BAZ2B: variants seen among roughly 807,000 people sequenced by gnomAD.
BAZ2B encodes bromodomain adjacent to zinc finger domain 2B.
BAZ2B carries 91 observed loss-of-function variants against 246.0 expected under a neutral mutation model. The ratio of observed to expected loss-of-function variants is 0.37; its 90% CI spans 0.31 to 0.44. The LOEUF is 0.44. Ranked by LOEUF, BAZ2B falls within the 20% of genes least tolerant of loss-of-function variation. BAZ2B has a pLI of 1.00. For synonymous variants in BAZ2B, 855 were observed against 860.0 expected (o/e 0.99, Z 0.10); for missense variants, 2,332 against 2,533.7 (o/e 0.92, Z 1.71).
the BAZ2B span, among the ~76,000 whole-genome samples, chr2:159,708,864 T>C: frequency 6.6e-6 from 1 of 152,212 alleles, no homozygotes; most frequent in South Asian, 2.1e-4. Context: ...ATCTGGCCTC[T>C]ATATCCTTTT....
chr2:159,663,855 CT>C, the BAZ2B span, among the ~76,000 whole-genome samples: 795 of 92,308 alleles, frequency 8.6e-3, 2 homozygotes, highest in East Asian at 0.037. Context: ...AAACCATTTT[CT>C]TTTTTTTTTT....
At chr2:159,465,759 CA>C (rs891599689) in intron 3 of BAZ2B, among the ~76,000 whole-genome samples, 1 of 151,750 alleles carries the variant, frequency 6.6e-6, no homozygotes, top group Non-Finnish European at 1.5e-5. Flanking sequence ...CTGTCTCTAC[CA>C]AAAATACAAA....
intron 13 of BAZ2B, chr2:159,419,705 TCTC>T (rs2068398257): frequency 6.6e-6 from 1 of 152,164 alleles, no homozygotes; most frequent in Non-Finnish European, 1.5e-5. Flanking sequence ...ACTTTCAATA[TCTC>T]CTCCTTCTAT....
chr2:159,399,475 T>G (rs1399287901), intron 17 of BAZ2B, among the ~76,000 whole-genome samples: 2 of 152,030 alleles, frequency 1.3e-5, no homozygotes, highest in Non-Finnish European at 2.9e-5. Context: ...TAAGTTCAAG[T>G]GTTTTTTTTT....
the BAZ2B span, among the ~76,000 whole-genome samples, chr2:159,639,086 T>C: frequency 6.6e-6 from 1 of 151,100 alleles, no homozygotes; most frequent in Non-Finnish European, 1.5e-5. Context: ...CAGGAGAGAG[T>C]AGCATAACAT....
In BAZ2B at chr2:159,448,390, T is replaced by C. The variant is rs200055145; in HGVS notation, c.354A>G (p.Thr118=). The C allele has an allele frequency of 3.1e-6, 5 of 1,592,904 alleles. No individual in the cohort carries two copies. In the African/African-American group the frequency reaches 6.8e-5, roughly 22 times the overall value. The change falls in exon 5 of 37, where the codon ACA becomes ACG. Residue 118 remains threonine (T), a synonymous_variant. Transcript: ENST00000392783. Reference sequence around the variant, plus strand: ...CTCCTGTACGAGTATGAGCATCAGTTGTTCGCCACCATTCTGCACCTCAAA... The same window carrying C: ...CTCCTGTACGAGTATGAGCATCAGTCGTTCGCCACCATTCTGCACCTCAAA... The part of the protein sequence containing the change: ...ASFPGAEWWR[T]TDAHTRTGAT...
intron 2 of BAZ2B, among the ~76,000 whole-genome samples, chr2:159,550,364 G>T (rs1371872382): frequency 3.3e-5 from 5 of 152,112 alleles, no homozygotes; most frequent in Non-Finnish European, 7.4e-5. Flanking sequence ...TCAGTATAGG[G>T]TTTCCACTCA....
chr2:159,464,305 T>C (rs899532968), intron 3 of BAZ2B: 1 of 152,234 alleles, frequency 6.6e-6, no homozygotes, highest in African/African-American at 2.4e-5. Context: ...GTCGTGTTAT[T>C]TCCTCAGTCT....
At chr2:159,368,798 G>A (rs1576192784) in intron 27 of BAZ2B, among the ~76,000 whole-genome samples, 2 of 144,758 alleles carry the variant, frequency 1.4e-5, no homozygotes, top group African/African-American at 2.6e-5. Flanking sequence ...TTATGTAGAA[G>A]AGCCTGGATG....
chr2:159,456,749 A>G (rs1455561199), intron 3 of BAZ2B, among the ~76,000 whole-genome samples: 1 of 152,190 alleles, frequency 6.6e-6, no homozygotes, highest in Non-Finnish European at 1.5e-5. Flanking sequence ...GTGACGACTG[A>G]GTCTTACAGG....
At chr2:159,708,734 A>T in the BAZ2B span, among the ~76,000 whole-genome samples, 1 of 151,910 alleles carries the variant, frequency 6.6e-6, no homozygotes, top group South Asian at 2.1e-4. Flanking sequence ...ACCAATGCAC[A>T]GGGCTAATTT....
At chr2:159,408,981 T>C (rs898601487) in intron 14 of BAZ2B, among the ~76,000 whole-genome samples, 1 of 150,410 alleles carries the variant, frequency 6.6e-6, no homozygotes, top group South Asian at 2.1e-4. Flanking sequence ...GAGAATGAGT[T>C]AGATACCTAG....
intron 31 of BAZ2B, among the ~76,000 whole-genome samples, chr2:159,346,542 T>C (rs2067847487): frequency 6.6e-6 from 1 of 151,974 alleles, no homozygotes; most frequent in African/African-American, 2.4e-5. Flanking sequence ...CCATCTCTAC[T>C]AAAAATACAA....
intron 3 of BAZ2B, among the ~76,000 whole-genome samples, chr2:159,467,454 G>T (rs1042089949): frequency 7.9e-5 from 12 of 152,090 alleles, no homozygotes; most frequent in Non-Finnish European, 1.5e-4. Flanking sequence ...AAGCTGCGGG[G>T]GCCAGTGCAA....
intron 3 of BAZ2B, chr2:159,462,801 G>C (rs2076574585): frequency 7.0e-7 from 1 of 1,437,560 alleles, no homozygotes; most frequent in African/African-American, 1.4e-5. Context: ...ATAATAGTCT[G>C]TTGCCCATCG....
the BAZ2B span, among the ~76,000 whole-genome samples, chr2:159,681,821 A>G: frequency 0.076 from 11,636 of 152,220 alleles, 935 homozygotes; most frequent in African/African-American, 0.2. Flanking sequence ...GCTACTCGGG[A>G]GGCTGAGGCA....
At position 159,478,721 on chromosome 2, in the gene BAZ2B, T is replaced by C. The variant is rs1426098098; in HGVS notation, c.-2A>G. The C allele has an allele frequency of 6.5e-7, 1 of 1,528,366 alleles. No homozygotes were observed. Among genetic ancestry groups the C allele is most frequent in the Non-Finnish European group, 8.8e-7 (1 of 1,140,356 alleles). 94.7% of individuals were successfully genotyped at this position (1,528,366 alleles called of 1,614,324 possible). On this transcript the variant is annotated splice_region_variant and 5_prime_UTR_variant, in exon 3 of 37. Coordinates refer to ENST00000392783, the MANE Select transcript of BAZ2B (RefSeq NM_013450.4). ...TGGTAACCGTTCTCCAGACTCCATA[T>C]CTATGAGAAGGGAAAATGTTAATTC...
chr2:159,557,157 C>T (rs12466289), intron 1 of BAZ2B, among the ~76,000 whole-genome samples: 54,436 of 112,690 alleles, frequency 0.48, 11,750 homozygotes, highest in Admixed American at 0.57. Context: ...TTTTTTTTTT[C>T]CCTGCCTCAG....
intron 2 of BAZ2B, among the ~76,000 whole-genome samples, chr2:159,537,918 G>T (rs76601837): frequency 0.031 from 4,729 of 152,164 alleles, 244 homozygotes; most frequent in African/African-American, 0.11. Flanking sequence ...TCAGTCTCAT[G>T]AAATCCTTTC....
Sources: gnomAD v4.1 joint callset for allele counts (sites outside exome capture counted in the v4.1 genomes callset) on GRCh38, gnomAD v4.1.1 for gene constraint, MANE v1.5 for transcripts, NCBI Gene and HGNC (gene_info 2026-07-23, HGNC 2026-07-21) for gene names.